RSPH10B: variants seen among roughly 807,000 people sequenced by gnomAD.
RSPH10B encodes radial spoke head 10 homolog B (Chlamydomonas).
In RSPH10B, 7 loss-of-function variants were observed where a neutral mutation model predicts 52.5. The observed-to-expected ratio is 0.13, with a 90% CI of 0.08 to 0.25. RSPH10B has a LOEUF of 0.25. RSPH10B is among the 10% of genes least tolerant of loss of function. RSPH10B has a pLI of 1.00. For missense variants in RSPH10B, 89 were observed against 542.5 expected, an observed-to-expected ratio of 0.16 and a Z score of 8.30; for synonymous variants, 28 against 193.2, an observed-to-expected ratio of 0.14 and a Z score of 7.09.
intron 18 of RSPH10B, among the ~76,000 whole-genome samples, chr7:5,926,989 A>T (rs1779463776): frequency 1.3e-5 from 2 of 150,732 alleles, no homozygotes; most frequent in Admixed American, 1.3e-4. Flanking sequence ...TCCTGACCTC[A>T]GGTGATCCAC....
chr7:5,955,086 GC>G (rs1162891832), intron 7 of RSPH10B, among the ~76,000 whole-genome samples: 4 of 134,816 alleles, frequency 3.0e-5, no homozygotes, highest in Non-Finnish European at 6.3e-5. Flanking sequence ...AATCACTTGC[GC>G]CCGGGAGGCA....
At chr7:5,930,842 G>A (rs868085283) in intron 17 of RSPH10B, among the ~76,000 whole-genome samples, 8 of 41,764 alleles carry the variant, frequency 1.9e-4, no homozygotes, top group African/African-American at 3.9e-4. Context: ...GCAAAGGTGA[G>A]CATGTACACA....
exon 13 of RSPH10B, chr7:5,943,441 G>C (rs1583227007): frequency 1.3e-6 from 2 of 1,593,622 alleles, no homozygotes; most frequent in East Asian, 2.2e-5. Flanking sequence ...TCATAGAGTA[G>C]AGCGTCCGCT....
intron 5 of RSPH10B, 113 bp downstream of exon 7, chr7:5,958,880 G>C: frequency 1.4e-6 from 2 of 1,385,120 alleles, no homozygotes; most frequent in Non-Finnish European, 2.0e-6. Flanking sequence ...TGCTTAGAGA[G>C]AAAATGTTCC....
chr7:5,957,764 C>T (rs1330678088), intron 6 of RSPH10B, 143 bp downstream of exon 8: 2 of 1,079,848 alleles, frequency 1.9e-6, no homozygotes, highest in African/African-American at 3.8e-5. Flanking sequence ...CCAGTGCACT[C>T]CAGCCTGGGA....
rs1185408288 is a variant in RSPH10B, at chr7:5,954,988, T to TAAAAAAAAAAAAA, written c.957+1004_957+1016dup. Among the ~76,000 whole-genome samples, 57 of 24,164 alleles carry TAAAAAAAAAAAAA rather than the reference T, an allele frequency of 2.4e-3. 1 individual carries two copies. The highest frequency in any genetic ancestry group is 4.1e-3 in the Admixed American group (6 of 1,476). The allele number at this position is 24,164 out of a possible 152,430, so 15.9% of individuals were successfully genotyped here. A position where few individuals can be genotyped will look rare whatever the true frequency, so the allele number is the denominator to read the frequency against. On this transcript the variant is annotated intron_variant, in intron 7 of 18. Coordinates refer to ENST00000337579, the Ensembl canonical transcript of RSPH10B. ...AACACGGCAAAACCCCTGTAACTACTAAAAAAAAAAAAAAAAAAAAAAAAA... is the reference window on the plus strand; with the variant it reads ...AACACGGCAAAACCCCTGTAACTACTAAAAAAAAAAAAAAAAAAAAAAAAAAAAAAAAAAAAAA...
At position 5,947,860 on chromosome 7, in the gene RSPH10B, TTGTGTGTGTG is replaced by T. The variant is rs201265529; in HGVS notation, c.1414+350_1414+359del. Among the ~76,000 whole-genome samples the T allele has an allele frequency of 6.4e-3, 584 of 90,824 alleles. 44 individuals carry two copies. The highest frequency in any genetic ancestry group is 0.018 in the Middle Eastern group (3 of 168). 59.6% of individuals were successfully genotyped at this position (90,824 alleles called of 152,430 possible). A position where few individuals can be genotyped will look rare whatever the true frequency, so the allele number is the denominator to read the frequency against. On this transcript the variant is annotated intron_variant, in intron 10 of 18. Coordinates refer to ENST00000337579, the Ensembl canonical transcript of RSPH10B. The stretch of plus-strand genomic sequence containing the variant: ...CCTGGGGGTTGGGGACCCCTGCCTT[TTGTGTGTGTG>T]TGTGTGTGTGTGTGTGTGTGTGATG...
At chr7:5,928,114 G>C in intron 18 of RSPH10B, 82 bp downstream of exon 20, 1 of 1,599,410 alleles carries the variant, frequency 6.3e-7, no homozygotes. Context: ...GAAAGCACTT[G>C]GTCCTGATGC....
intron 18 of RSPH10B, among the ~76,000 whole-genome samples, chr7:5,927,060 G>GTATATTA (rs1554284531): frequency 4.1e-5 from 3 of 72,688 alleles, no homozygotes; most frequent in Admixed American, 1.3e-4. Context: ...ATGTGTGTGT[G>GTATATTA]TGTGTGTATA....
intron 14 of RSPH10B, among the ~76,000 whole-genome samples, chr7:5,938,334 G>A (rs1780030851): frequency 2.6e-5 from 3 of 115,916 alleles, no homozygotes; most frequent in South Asian, 4.9e-4. Flanking sequence ...TTGGGAGGCC[G>A]AGGCAGGTGG....
At chr7:5,928,634 GTT>G (rs869172826) in intron 17 of RSPH10B, among the ~76,000 whole-genome samples, 87 of 120,436 alleles carry the variant, frequency 7.2e-4, no homozygotes, top group African/African-American at 9.9e-4. Context: ...TTTCTTTTTT[GTT>G]TTTTTTTTTT....
In RSPH10B at chr7:5,961,639, G is replaced by A. The variant is rs376536722; in HGVS notation, c.400-775C>T. Among the ~76,000 whole-genome samples the A allele has an allele frequency of 2.3e-4, 13 of 55,970 alleles. No individual in the cohort carries two copies. The South Asian group carries it at 5.0e-3, about 21-fold the overall frequency. 36.7% of individuals were successfully genotyped at this position (55,970 alleles called of 152,430 possible). On this transcript the variant is annotated intron_variant, in intron 3 of 18. Coordinates refer to ENST00000337579, the Ensembl canonical transcript of RSPH10B. ...ATTAACAGGCATTTAACAGGCATGA[G>A]CCATCATGCCTAGTTTTTGTGGATT...
rs2528298 is a variant in RSPH10B at position 5,943,131 on chromosome 7, G to A, written c.1758+193C>T. 1,519 of 1,282,834 alleles carry A rather than the reference G, an allele frequency of 1.2e-3. 18 individuals are homozygous for A. The African/African-American group carries it at 0.021, about 18-fold the overall frequency. 79.5% of individuals were successfully genotyped at this position (1,282,834 alleles called of 1,614,324 possible). A position where few individuals can be genotyped will look rare whatever the true frequency, so the allele number is the denominator to read the frequency against. On this transcript the variant is annotated intron_variant, in intron 13 of 18. Coordinates refer to ENST00000337579, the Ensembl canonical transcript of RSPH10B. ...TCTGTTAGCATATTGGGCAGGTGAC[G>A]GCTGTTTCTGTTCCTTCCACGACCA...
At chr7:5,944,437 G>T (rs1160266607) in intron 11 of RSPH10B, among the ~76,000 whole-genome samples, 2 of 150,352 alleles carry the variant, frequency 1.3e-5, no homozygotes, top group African/African-American at 2.5e-5. Context: ...TTTAAAAAAA[G>T]ATATAAAACC....
chr7:5,931,652 C>T (rs1328464281), intron 17 of RSPH10B, among the ~76,000 whole-genome samples: 1 of 150,758 alleles, frequency 6.6e-6, no homozygotes, highest in South Asian at 2.1e-4. Context: ...TTCTTGGATC[C>T]AGGAGTTCAA....
At chr7:5,942,928 T>TTATTTATATATATATATATA (rs1244452966) in intron 13 of RSPH10B, among the ~76,000 whole-genome samples, 1 of 85,052 alleles carries the variant, frequency 1.2e-5, no homozygotes, top group Non-Finnish European at 2.8e-5. Flanking sequence ...ATATATATAT[T>TTATTTATATATATATATATA]TTTTTTTAAG....
rs1280818437 is a variant in RSPH10B at position 5,942,880 on chromosome 7, A to AAT, written c.1758+442_1758+443dup. On this transcript the variant is annotated intron_variant, in intron 13 of 18. Coordinates refer to ENST00000337579, the Ensembl canonical transcript of RSPH10B. ...TCCGTCTCAAAAAAATAAAATTAAA[A>AAT]ATATATATATATTTATTATATATAT... Among the ~76,000 whole-genome samples, 66 of 140,496 alleles carry AAT rather than the reference A, an allele frequency of 4.7e-4. 1 individual carries two copies. Among genetic ancestry groups the AAT allele is most frequent in the Non-Finnish European group, 8.1e-4 (53 of 65,164 alleles). 92.2% of individuals were successfully genotyped at this position (140,496 alleles called of 152,430 possible).
At chr7:5,958,935 A>G in intron 5 of RSPH10B, 58 bp downstream of exon 7, 1 of 1,305,214 alleles carries the variant, frequency 7.7e-7, no homozygotes, top group Non-Finnish European at 1.1e-6. Context: ...GGTGAACGCT[A>G]TTGGGCCCAC....
chr7:5,947,880 GT>G (rs1780495337), intron 10 of RSPH10B, among the ~76,000 whole-genome samples: 1 of 101,146 alleles, frequency 9.9e-6, no homozygotes, highest in Non-Finnish European at 2.2e-5. Context: ...GTGTGTGTGT[GT>G]GTGTGTGTGT....
Sources: gnomAD v4.1 joint callset for allele counts (sites outside exome capture counted in the v4.1 genomes callset) on GRCh38, gnomAD v4.1.1 for gene constraint, MANE v1.5 for transcripts, NCBI Gene and HGNC (gene_info 2026-07-23, HGNC 2026-07-21) for gene names.